The following MCCC1 variants were observed in gnomAD, a reference collection of about 807,000 sequenced individuals.
MCCC1 encodes methylcrotonoyl-CoA carboxylase subunit alpha, mitochondrial.
Under a neutral mutation model 83.8 loss-of-function variants are expected in MCCC1, and 64 were observed. The ratio of observed to expected loss-of-function variants is 0.76; its 90% confidence interval spans 0.62 to 0.94. The LOEUF is 0.94. Among genes scored for constraint, MCCC1 ranks in the 40% least tolerant of loss-of-function variants. MCCC1 has a pLI of 0.00. For missense variants in MCCC1, 807 were observed against 904.7 expected (o/e 0.89, Z 1.39); for synonymous variants, 322 against 315.4 (o/e 1.02, Z -0.22).
intron 14 of MCCC1, among the ~76,000 whole-genome samples, chr3:183,031,018 C>T (rs1713024257): frequency 2.0e-5 from 3 of 152,178 alleles, no homozygotes; most frequent in Non-Finnish European, 2.9e-5. Flanking sequence ...TATCTCTTGT[C>T]ACATATAAGA....
intron 9 of MCCC1, among the ~76,000 whole-genome samples, chr3:183,048,828 G>A (rs1397571793): frequency 6.6e-6 from 1 of 152,054 alleles, no homozygotes; most frequent in Non-Finnish European, 1.5e-5. Context: ...ATATTCACCA[G>A]GATAGACCAC....
chr3:183,023,665 A>G lies in MCCC1; in HGVS notation c.1732-1111T>C, dbSNP rs574735399. Among the ~76,000 whole-genome samples, 30 of 152,270 alleles carry G rather than the reference A, an allele frequency of 2.0e-4. No individual in the cohort carries two copies. In the East Asian group the frequency reaches 5.8e-3, roughly 29 times the overall value. ...ACAGAAAGAAAATCAATGTGTCTCA[A>G]AGTGTTGGGAGGTCTAATACATACC... On this transcript the variant is annotated intron_variant, in intron 15 of 18. Transcript: ENST00000265594.
rs1577363942 is a variant in MCCC1, at chr3:183,092,621, C to T, written c.137-76G>A. 4 of 1,586,490 alleles carry T rather than the reference C, an allele frequency of 2.5e-6. No individual in the cohort carries two copies. In the East Asian group the frequency reaches 6.8e-5, roughly 27 times the overall value. ...AATGAGAATGAGAATACGATCTTAA[C>T]TGGCTGATAAGGACTCGACTGATAA... On this transcript the variant is annotated intron_variant, in intron 2 of 18. Transcript: ENST00000265594.
At chr3:183,102,199 CACAA>C (rs1265560234), upstream of MCCC1, among the ~76,000 whole-genome samples, 1 of 151,954 alleles carries the variant, frequency 6.6e-6, no homozygotes, top group Non-Finnish European at 1.5e-5. Flanking sequence ...CCCGCATCTG[CACAA>C]ACATTTTTTT....
At position 183,047,465 on chromosome 3, in the gene MCCC1, C is replaced by CA. The variant is rs956051471; in HGVS notation, c.956-1926dup. Among the ~76,000 whole-genome samples, 90 of 151,928 alleles carry CA rather than the reference C, an allele frequency of 5.9e-4. 2 individuals are homozygous for CA. Among genetic ancestry groups the CA allele is most frequent in the Middle Eastern group, 6.8e-3 (2 of 294 alleles). On this transcript the variant is annotated intron_variant, in intron 9 of 18. Coordinates refer to ENST00000265594, the MANE Select transcript of MCCC1 (RefSeq NM_020166.5). ...AAAAATTACAAGGCATACTAAAAGG[C>CA]AAAAAACACAGTTTGAAGAGACTGA...
chr3:183,048,728 T>C (rs961530505), intron 9 of MCCC1, among the ~76,000 whole-genome samples: 2 of 152,180 alleles, frequency 1.3e-5, no homozygotes, highest in African/African-American at 4.8e-5. Flanking sequence ...ATAGTTGAAT[T>C]CAACAACACC....
At chr3:183,020,312 AATTG>A (rs1482613188) in intron 16 of MCCC1, 75 bp from the exon 17 acceptor site, 2 of 1,194,898 alleles carry the variant, frequency 1.7e-6, no homozygotes, top group African/African-American at 1.5e-5. Flanking sequence ...CTGAGGTAAT[AATTG>A]TTTCCCAGCA....
At chr3:183,019,299 G>A (rs1711944678) in intron 17 of MCCC1, among the ~76,000 whole-genome samples, 1 of 152,158 alleles carries the variant, frequency 6.6e-6, no homozygotes, top group Admixed American at 6.5e-5. Flanking sequence ...GTATGTGCTA[G>A]GGTCTAAATG....
intron 7 of MCCC1, among the ~76,000 whole-genome samples, chr3:183,062,350 G>GTTT (rs71185626): frequency 9.8e-6 from 1 of 102,474 alleles, no homozygotes; most frequent in Non-Finnish European, 2.0e-5. Flanking sequence ...TGTTTTTTCA[G>GTTT]TTTTTTTTTT....
At chr3:183,016,769 T>G (rs1194427737) in intron 18 of MCCC1, among the ~76,000 whole-genome samples, 1 of 152,242 alleles carries the variant, frequency 6.6e-6, no homozygotes, top group Non-Finnish European at 1.5e-5. Context: ...GTCTGCAATA[T>G]TCAGCCAGGG....
rs757687424 is a variant in MCCC1, at chr3:183,039,062, T to C, written c.1341A>G (p.Ala447=). The C allele has an allele frequency of 5.0e-6, 8 of 1,614,084 alleles. No individual in the cohort carries two copies. In the Admixed American group the frequency reaches 1.0e-4, roughly 20 times the overall value. ...GAAGGCTGTACCTCAGTTTTGTCAA[T>C]GCCGCCTGGCGATCTGCTGCCCACA... ...LVVWAADRQA[A]LTKLRYSLRQ... The change falls in exon 12 of 19, where the codon GCA becomes GCG. Residue 447 remains alanine, a synonymous_variant. Coordinates refer to ENST00000265594, the MANE Select transcript of MCCC1 (RefSeq NM_020166.5).
At chr3:183,088,208 GTGT>G (rs1424577257) in intron 3 of MCCC1, among the ~76,000 whole-genome samples, 7 of 139,682 alleles carry the variant, frequency 5.0e-5, no homozygotes, top group Admixed American at 7.1e-5. Context: ...TTGTTGTTGT[GTGT>G]TTTTTTTTTT....
At chr3:183,101,763 T>C (rs901661416), upstream of MCCC1, among the ~76,000 whole-genome samples, 14 of 152,224 alleles carry the variant, frequency 9.2e-5, no homozygotes, top group African/African-American at 3.1e-4. Context: ...ATCTTGCTAC[T>C]GCTCACTCTT....
chr3:183,078,319 CATA>C (rs1443242426), intron 4 of MCCC1, among the ~76,000 whole-genome samples: 1 of 152,174 alleles, frequency 6.6e-6, no homozygotes, highest in Non-Finnish European at 1.5e-5. Context: ...CTGCACCTGG[CATA>C]ATGAGTTTTG....
Position 183,070,358 on chromosome 3 carries a change from G to A in MCCC1, c.761+641C>T, listed in dbSNP as rs775022772. ...AATGGTATATCAAGATCATAGAACC[G>A]CTAGGTCACCAACAAAAAGAATGAG... On this transcript the variant is annotated intron_variant, in intron 7 of 18. Transcript: ENST00000265594. Among the ~76,000 whole-genome samples the A allele has an allele frequency of 4.6e-5, 7 of 152,028 alleles. No homozygotes were observed. The East Asian group carries it at 5.8e-4, about 13-fold the overall frequency.
At chr3:183,034,473 A>G (rs1004676512) in intron 13 of MCCC1, among the ~76,000 whole-genome samples, 2 of 151,422 alleles carry the variant, frequency 1.3e-5, no homozygotes, top group Non-Finnish European at 2.9e-5. Context: ...AAAAAAACAA[A>G]AAAACACACG....
At chr3:183,040,211 T>C (rs1233646727) in intron 11 of MCCC1, among the ~76,000 whole-genome samples, 1 of 151,508 alleles carries the variant, frequency 6.6e-6, no homozygotes, top group African/African-American at 2.4e-5. Flanking sequence ...CTGTGGCTTA[T>C]CCAGAGCTCT....
chr3:183,090,104 AAGGGTCTGGTAGATGGGT>A (rs1238093127), intron 3 of MCCC1, among the ~76,000 whole-genome samples: 17 of 152,176 alleles, frequency 1.1e-4, no homozygotes, highest in African/African-American at 1.4e-4. Flanking sequence ...ACTTCAACAT[AAGGGTCTGGTAGATGGGT>A]AGGGTCTGGT....
At position 183,075,840 on chromosome 3, in the gene MCCC1, G is replaced by A. The variant is rs575675813; in HGVS notation, c.370-3353C>T. ...CAGACGTGAGCCACTGTGCCCGGCT[G>A]TCCTTTGCCCACTTTTTAATGGGGT... On this transcript the variant is annotated intron_variant, in intron 4 of 18. Transcript: ENST00000265594. Among the ~76,000 whole-genome samples, 8 of 152,182 alleles carry A rather than the reference G, an allele frequency of 5.3e-5. No individual in the cohort carries two copies. In the South Asian group the frequency reaches 1.7e-3, roughly 32 times the overall value.
Sources: allele counts gnomAD v4.1 joint callset (sites outside exome capture counted in the v4.1 genomes callset), GRCh38; gene constraint gnomAD v4.1.1; transcripts MANE v1.5; gene names NCBI Gene and HGNC (gene_info 2026-07-23, HGNC 2026-07-21).